FZD1: variants seen among roughly 807,000 people sequenced by gnomAD.
The protein encoded by FZD1 is frizzled class receptor 1.
A neutral mutation model predicts 48.0 loss-of-function variants in FZD1; 22 were observed. The observed-to-expected ratio is 0.46, with a 90% CI of 0.33 to 0.65. The LOEUF (loss-of-function observed/expected upper bound fraction) is 0.65. Ranked by LOEUF, FZD1 falls within the 30% of genes least tolerant of loss-of-function variation. The pLI is 0.02. For missense variants in FZD1, 843 were observed against 898.1 expected, an observed-to-expected ratio of 0.94 and a Z score of 0.78; for synonymous variants, 486 against 409.6, an observed-to-expected ratio of 1.19 and a Z score of -2.25.
chr7:91,266,119 C>T lies in FZD1; in HGVS notation c.1239C>T (p.Ser413=). The change falls in exon 1 of 1, where the codon AGC becomes AGT. Residue 413 remains serine, a synonymous_variant. Coordinates refer to ENST00000287934, the MANE Select transcript of FZD1 (RefSeq NM_003505.2). This position sits in a 1 kb window ranked among gnomAD's most constrained non-coding sequence, Gnocchi z 6.8. ...TCTTCATGATGCTCTACTTCTTCAG[C>T]ATGGCCAGCTCCATCTGGTGGGTGA... The part of the protein sequence containing the change: ...TILFMMLYFF[S]MASSIWWVIL... The T allele has an allele frequency of 6.2e-7, 1 of 1,614,230 alleles. No homozygotes were observed. Among genetic ancestry groups the T allele is most frequent in the Non-Finnish European group, 8.5e-7 (1 of 1,180,050 alleles).
At position 91,266,579 on chromosome 7, in the gene FZD1, C is replaced by G. The variant is rs147921120; in HGVS notation, c.1699C>G (p.Arg567Gly). 1 of 1,613,654 alleles carries G rather than the reference C, an allele frequency of 6.2e-7. No homozygotes were observed. The highest frequency in any genetic ancestry group is 1.7e-5 in the Admixed American group (1 of 60,032). The change falls in exon 1 of 1, where the codon CGC becomes GGC. Residue 567 changes from arginine to glycine, a missense_variant. Transcript: ENST00000287934. The surrounding 1 kb of genome is among the most constrained non-coding windows in gnomAD (Gnocchi z 6.8). ...YEQAFRDQWE[R>G]SWVAQSCKSY... ...GCAGGCCTTCCGGGACCAGTGGGAA[C>G]GCAGCTGGGTGGCCCAGAGCTGCAA... is the stretch of plus-strand genomic sequence containing the variant.
At position 91,270,787 on chromosome 7, in the gene FZD1, T is replaced by C. The variant is rs1255871554; in HGVS notation, c.*3963T>C. ...TTGGATATCTCTGATTCATTTCTTA[T>C]TATAATAGTCTGTGTAACTGGGGCC... On this transcript the variant is annotated 3_prime_UTR_variant, in exon 1 of 1. Coordinates refer to ENST00000287934, the MANE Select transcript of FZD1 (RefSeq NM_003505.2). 2 of 167,124 alleles carry C rather than the reference T, an allele frequency of 1.2e-5. No individual in the cohort carries two copies. The highest frequency in any genetic ancestry group is 2.1e-4 in the South Asian group (1 of 4,826). 10.4% of individuals were successfully genotyped at this position (167,124 alleles called of 1,614,324 possible).
rs765641770 is a variant in FZD1 at position 91,265,210 on chromosome 7, C to T, written c.330C>T (p.Val110=). 6 of 1,613,908 alleles carry T rather than the reference C, an allele frequency of 3.7e-6. No individual in the cohort carries two copies. The highest frequency in any genetic ancestry group is 1.7e-5 in the Admixed American group (1 of 60,026). Residue 110 remains valine, a synonymous_variant, in exon 1 of 1, where the codon GTC becomes GTT. Transcript: ENST00000287934. This position sits in a 1 kb window ranked among gnomAD's most constrained non-coding sequence, Gnocchi z 6.9. ...ACAACGGCGAGCGGGGCATCTCCGT[C>T]CCGGACCACGGCTATTGCCAGCCCA... ...QQYNGERGIS[V]PDHGYCQPIS...
In FZD1 at chr7:91,265,025, C is replaced by T. The variant is rs1330007589; in HGVS notation, c.145C>T (p.Arg49Trp). The change falls in exon 1 of 1, where the codon CGG becomes TGG. Residue 49 changes from arginine (R) to tryptophan (W), a missense_variant. By Grantham distance (101) the Arg-to-Trp change is moderately radical. This residue lies in a region of FZD1 where 490 missense variants were observed against 466.5 expected (regional missense o/e 1.05). Coordinates refer to ENST00000287934, the MANE Select transcript of FZD1 (RefSeq NM_003505.2). The surrounding 1 kb of genome is among the most constrained non-coding windows in gnomAD (Gnocchi z 6.9). ...CCGCCGCCGCCCGCCAGTTGACCCC[C>T]GGCGATTGGCGCGCCAGCTGCTGCT... The part of the protein sequence containing the change: ...GGRRRPPVDP[R>W]RLARQLLLLL... 1.4e-6 allele frequency: 2 copies of T among 1,407,480 alleles called. No individual in the cohort carries two copies. Among genetic ancestry groups the T allele is most frequent in the Admixed American group, 2.8e-5 (1 of 36,008 alleles). The allele number at this position is 1,407,480 out of a possible 1,614,324, so 87.2% of individuals were successfully genotyped here.
chr7:91,270,100 A>G lies in FZD1; in HGVS notation c.*3276A>G, dbSNP rs1803947059. On this transcript the variant is annotated 3_prime_UTR_variant, in exon 1 of 1. Coordinates refer to ENST00000287934, the MANE Select transcript of FZD1 (RefSeq NM_003505.2). ...AATAGGACGTGTCTGGAAAACCATA[A>G]GGCTACTTGGGATACTGTCCCATTA... 1 of 166,990 alleles carries G rather than the reference A, an allele frequency of 6.0e-6. No individual in the cohort carries two copies. The highest frequency in any genetic ancestry group is 1.5e-5 in the Non-Finnish European group (1 of 68,104). 10.3% of individuals were successfully genotyped at this position (166,990 alleles called of 1,614,324 possible).
At position 91,265,031 on chromosome 7, in the gene FZD1, T is replaced by C; in HGVS notation, c.151T>C (p.Leu51=). The C allele has an allele frequency of 2.1e-6, 3 of 1,405,176 alleles. No individual in the cohort carries two copies. The highest frequency in any genetic ancestry group is 9.3e-7 in the Non-Finnish European group (1 of 1,079,328). 87.0% of individuals were successfully genotyped at this position (1,405,176 alleles called of 1,614,324 possible). A position where few individuals can be genotyped will look rare whatever the true frequency, so the allele number is the denominator to read the frequency against. The change falls in exon 1 of 1, where the codon TTG becomes CTG. Residue 51 remains leucine, a synonymous_variant. Coordinates refer to ENST00000287934, the MANE Select transcript of FZD1 (RefSeq NM_003505.2). The surrounding 1 kb of genome is among the most constrained non-coding windows in gnomAD (Gnocchi z 6.9). ...RRRPPVDPRR[L]ARQLLLLLWL... ...CCGCCCGCCAGTTGACCCCCGGCGA[T>C]TGGCGCGCCAGCTGCTGCTGCTGCT...
In FZD1 at chr7:91,266,749, C is replaced by T; in HGVS notation, c.1869C>T (p.Ser623=). 1.9e-6 allele frequency: 3 copies of T among 1,613,342 alleles called. No individual in the cohort carries two copies. Among genetic ancestry groups the T allele is most frequent in the Non-Finnish European group, 2.5e-6 (3 of 1,179,660 alleles). The change falls in exon 1 of 1, where the codon TCC becomes TCT. Residue 623 remains serine (S), a synonymous_variant. Transcript: ENST00000287934. This position sits in a 1 kb window ranked among gnomAD's most constrained non-coding sequence, Gnocchi z 6.8. ...TCACGTCGGGCTTCTGGATCTGGTC[C>T]GGCAAGACCCTCAACTCCTGGAGGA... The part of the protein sequence containing the change: ...VGITSGFWIW[S]GKTLNSWRKF...
Position 91,269,364 on chromosome 7 carries a change from GTA to G in FZD1, c.*2546_*2547del, listed in dbSNP as rs1431942219. ...TATATATAGATAAGTATACACATAA[GTA>G]TATATGCATTAATTTTTATAAAATA... On this transcript the variant is annotated 3_prime_UTR_variant, in exon 1 of 1. Transcript: ENST00000287934. The G allele has an allele frequency of 6.0e-6, 1 of 166,738 alleles. No homozygotes were observed. The allele number at this position is 166,738 out of a possible 1,614,324, so 10.3% of individuals were successfully genotyped here.
At position 91,265,049 on chromosome 7, in the gene FZD1, C is replaced by T; in HGVS notation, c.169C>T (p.Leu57=). The T allele has an allele frequency of 7.2e-7, 1 of 1,394,604 alleles. No homozygotes were observed. The highest frequency in any genetic ancestry group is 9.3e-7 in the Non-Finnish European group (1 of 1,076,174). The allele number at this position is 1,394,604 out of a possible 1,614,324, so 86.4% of individuals were successfully genotyped here. A position where few individuals can be genotyped will look rare whatever the true frequency, so the allele number is the denominator to read the frequency against. ...CCGGCGATTGGCGCGCCAGCTGCTG[C>T]TGCTGCTTTGGCTGCTGGAGGCTCC... The part of the protein sequence containing the change: ...DPRRLARQLL[L]LLWLLEAPLL... The change falls in exon 1 of 1, where the codon CTG becomes TTG. Residue 57 remains leucine (L), a synonymous_variant. Coordinates refer to ENST00000287934, the MANE Select transcript of FZD1 (RefSeq NM_003505.2). The surrounding 1 kb of genome is among the most constrained non-coding windows in gnomAD (Gnocchi z 6.9).
rs1803933115 is a variant in FZD1 at position 91,269,215 on chromosome 7, G to A, written c.*2391G>A. Reference sequence around the variant, plus strand: ...AACATTTTAAACAGCAATTGGGTTTGTAAGGCTGTTTTGTTGTTTGCTTCT... The same window carrying A: ...AACATTTTAAACAGCAATTGGGTTTATAAGGCTGTTTTGTTGTTTGCTTCT... On this transcript the variant is annotated 3_prime_UTR_variant, in exon 1 of 1. Transcript: ENST00000287934. 6.0e-6 allele frequency: 1 copy of A among 166,890 alleles called. No homozygotes were observed. The highest frequency in any genetic ancestry group is 2.1e-4 in the South Asian group (1 of 4,830). 10.3% of individuals were successfully genotyped at this position (166,890 alleles called of 1,614,324 possible).
rs757876150 is a variant in FZD1 at position 91,265,495 on chromosome 7, C to T, written c.615C>T (p.Phe205=). 8.7e-6 allele frequency: 14 copies of T among 1,612,866 alleles called. No homozygotes were observed. The highest frequency in any genetic ancestry group is 1.0e-5 in the Non-Finnish European group (12 of 1,179,834). Residue 205 remains phenylalanine (F), a synonymous_variant, in exon 1 of 1, where the codon TTC becomes TTT. Coordinates refer to ENST00000287934, the MANE Select transcript of FZD1 (RefSeq NM_003505.2). This position sits in a 1 kb window ranked among gnomAD's most constrained non-coding sequence, Gnocchi z 6.9. ...GCTGCGAGGCGCTCATGAACAAGTT[C>T]GGCTTCCAGTGGCCAGACACGCTCA... ...RQGCEALMNK[F]GFQWPDTLKC...
chr7:91,270,400 A>G lies in FZD1; in HGVS notation c.*3576A>G, dbSNP rs1803951080. 1 of 167,058 alleles carries G rather than the reference A, an allele frequency of 6.0e-6. No homozygotes were observed. Among genetic ancestry groups the G allele is most frequent in the South Asian group, 2.1e-4 (1 of 4,826 alleles). The allele number at this position is 167,058 out of a possible 1,614,324, so 10.3% of individuals were successfully genotyped here. On this transcript the variant is annotated 3_prime_UTR_variant, in exon 1 of 1. Coordinates refer to ENST00000287934, the MANE Select transcript of FZD1 (RefSeq NM_003505.2). ...CAAAAGAGCCGGGCCGGATTTTTTC[A>G]GCTTGTCCTATGGTAGTCACTTGTC... is the stretch of plus-strand genomic sequence containing the variant.
At position 91,264,614 on chromosome 7, in the gene FZD1, C is replaced by G. The variant is rs1803834631; in HGVS notation, c.-267C>G. The G allele has an allele frequency of 1.1e-5, 4 of 379,324 alleles. No homozygotes were observed. Among genetic ancestry groups the G allele is most frequent in the Non-Finnish European group, 1.9e-5 (4 of 213,886 alleles). The allele number at this position is 379,324 out of a possible 1,614,324, so 23.5% of individuals were successfully genotyped here. On this transcript the variant is annotated 5_prime_UTR_variant, in exon 1 of 1. Transcript: ENST00000287934. ...CGCGGCGCCGCCAGCCGGGAGCCAG[C>G]GAGCCGAGGGCCAGGAAGGCGGGAC...
chr7:91,268,160 C>T lies in FZD1; in HGVS notation c.*1336C>T, dbSNP rs1168765559. 1.2e-5 allele frequency: 2 copies of T among 166,918 alleles called. No homozygotes were observed. Among genetic ancestry groups the T allele is most frequent in the Non-Finnish European group, 2.9e-5 (2 of 68,112 alleles). The allele number at this position is 166,918 out of a possible 1,614,324, so 10.3% of individuals were successfully genotyped here. On this transcript the variant is annotated 3_prime_UTR_variant, in exon 1 of 1. Transcript: ENST00000287934. ...CAAATAACTAGACATATATCAGAAA[C>T]TTTAAAATGTAAAAGTTGTACACTT...
At position 91,265,347 on chromosome 7, in the gene FZD1, T is replaced by C; in HGVS notation, c.467T>C (p.Leu156Pro). The C allele has an allele frequency of 6.2e-7, 1 of 1,614,018 alleles. No individual in the cohort carries two copies. Among genetic ancestry groups the C allele is most frequent in the Non-Finnish European group, 8.5e-7 (1 of 1,179,934 alleles). Residue 156 changes from leucine to proline, a missense_variant, in exon 1 of 1, where the codon CTA becomes CCA. This residue lies in a region of FZD1 where 490 missense variants were observed against 466.5 expected (regional missense o/e 1.05). Transcript: ENST00000287934. This position sits in a 1 kb window ranked among gnomAD's most constrained non-coding sequence, Gnocchi z 6.9. ...CTGGAGGTGCACCAGTTCTACCCTC[T>C]AGTGAAAGTGCAGTGTTCCGCTGAG... ...AGLEVHQFYP[L>P]VKVQCSAELK...
Position 91,266,632 on chromosome 7 carries a change from C to G in FZD1, c.1752C>G (p.Leu584=), listed in dbSNP as rs374090787. The G allele has an allele frequency of 1.9e-6, 3 of 1,612,760 alleles. No homozygotes were observed. The highest frequency in any genetic ancestry group is 2.5e-6 in the Non-Finnish European group (3 of 1,179,808). ...CKSYAIPCPH[L]QAGGGAPPHP... ...GCTACGCTATCCCCTGCCCTCACCTCCAGGCGGGCGGAGGCGCCCCGCCGC... is the reference window on the plus strand; with the variant it reads ...GCTACGCTATCCCCTGCCCTCACCTGCAGGCGGGCGGAGGCGCCCCGCCGC... Residue 584 remains leucine (L), a synonymous_variant, in exon 1 of 1, where the codon CTC becomes CTG. Transcript: ENST00000287934. The surrounding 1 kb of genome is among the most constrained non-coding windows in gnomAD (Gnocchi z 6.8).
chr7:91,265,912 C>T lies in FZD1; in HGVS notation c.1032C>T (p.Asp344=). ...TCACGGTGCTTACGTACCTGGTGGACATGCGGCGCTTCAGCTACCCGGAGC... is the reference window on the plus strand; with the variant it reads ...TCACGGTGCTTACGTACCTGGTGGATATGCGGCGCTTCAGCTACCCGGAGC... ...TLFTVLTYLV[D]MRRFSYPERP... Residue 344 remains aspartate, a synonymous_variant, in exon 1 of 1, where the codon GAC becomes GAT. Transcript: ENST00000287934. This position sits in a 1 kb window ranked among gnomAD's most constrained non-coding sequence, Gnocchi z 6.9. 2 of 1,614,176 alleles carry T rather than the reference C, an allele frequency of 1.2e-6. No homozygotes were observed. The highest frequency in any genetic ancestry group is 1.6e-4 in the Middle Eastern group (1 of 6,062).
At position 91,265,153 on chromosome 7, in the gene FZD1, G is replaced by GCCGCCT. The variant is rs1803851352; in HGVS notation, c.275_280dup (p.Pro92_Pro93dup). The GCCGCCT allele has an allele frequency of 6.2e-7, 1 of 1,605,286 alleles. No individual in the cohort carries two copies. The highest frequency in any genetic ancestry group is 1.3e-5 in the African/African-American group (1 of 74,722). ...CCGGGCCGGGGCAGCAACCGCCGCC[G>GCCGCCT]CCGCCTCAGCAGCAACAGAGCGGGC... On this transcript the variant is annotated inframe_insertion, in exon 1 of 1. Transcript: ENST00000287934. This position sits in a 1 kb window ranked among gnomAD's most constrained non-coding sequence, Gnocchi z 6.9.
In FZD1 at chr7:91,268,053, C is replaced by T. The variant is rs1039370278; in HGVS notation, c.*1229C>T. ...TGCTTTCCTTAACAAGACAGCAAAA[C>T]GTAAACAGAAATTGAAAACTTGAAG... On this transcript the variant is annotated 3_prime_UTR_variant, in exon 1 of 1. Coordinates refer to ENST00000287934, the MANE Select transcript of FZD1 (RefSeq NM_003505.2). 4 of 167,032 alleles carry T rather than the reference C, an allele frequency of 2.4e-5. No individual in the cohort carries two copies. Among genetic ancestry groups the T allele is most frequent in the East Asian group, 1.9e-4 (1 of 5,204 alleles). 10.3% of individuals were successfully genotyped at this position (167,032 alleles called of 1,614,324 possible). A position where few individuals can be genotyped will look rare whatever the true frequency, so the allele number is the denominator to read the frequency against.
Sources: allele counts gnomAD v4.1 joint callset, GRCh38; gene constraint gnomAD v4.1.1; regional missense constraint gnomAD v4.1.1; non-coding constraint Gnocchi (gnomAD v3.1); transcripts MANE v1.5; gene names NCBI Gene and HGNC (gene_info 2026-07-23, HGNC 2026-07-21).